POLA1: variants seen among roughly 807,000 people sequenced by gnomAD.
POLA1 encodes DNA polymerase alpha catalytic subunit.
POLA1 carries 15 observed loss-of-function variants against 124.0 expected under a neutral mutation model. The observed-to-expected ratio is 0.12, with a 90% CI of 0.08 to 0.19. The LOEUF (loss-of-function observed/expected upper bound fraction) is 0.19. POLA1 is among the 10% of genes least tolerant of loss of function. POLA1 has a pLI of 1.00. For synonymous variants in POLA1, 408 were observed against 389.4 expected (o/e 1.05, Z -0.56); for missense variants, 886 against 1,103.4 (o/e 0.80, Z 2.79).
intron 36 of POLA1, among the ~76,000 whole-genome samples, chrX:24,982,045 A>G (rs1320593546): frequency 1.9e-5 from 2 of 107,517 alleles, no homozygotes; most frequent in Non-Finnish European, 3.8e-5. Flanking sequence ...TGGTGGTTGG[A>G]GTGGGTTCCC....
intron 36 of POLA1, among the ~76,000 whole-genome samples, chrX:24,935,163 T>C (rs754382739): frequency 1.1e-4 from 12 of 112,082 alleles, no homozygotes; most frequent in African/African-American, 3.2e-4. Flanking sequence ...TTTAAAGGCC[T>C]TATACAGTCC....
At chrX:24,829,768 T>G (rs1478689305) in intron 32 of POLA1, among the ~76,000 whole-genome samples, 1 of 112,065 alleles carries the variant, frequency 8.9e-6, no homozygotes, top group African/African-American at 3.2e-5. Context: ...GGGGAAGTGG[T>G]GGCAAAGTAA....
rs56343314 is a variant in POLA1 at position 24,790,911 on chromosome X, G to GTATATATA, written c.2965-18964_2965-18957dup. 3.7e-3 allele frequency among the ~76,000 whole-genome samples: 289 copies of GTATATATA among 78,246 alleles called. 1 individual carries two copies. The highest frequency in any genetic ancestry group is 8.2e-3 in the African/African-American group (155 of 18,927). 67.9% of individuals were successfully genotyped at this position (78,246 alleles called of 115,157 possible). On this transcript the variant is annotated intron_variant, in intron 26 of 36. Transcript: ENST00000379068. Reference sequence around the variant, plus strand: ...CCCCCACTCATTTATTTATGTATATGTATATATATATATATATATATATAT... The same window carrying GTATATATA: ...CCCCCACTCATTTATTTATGTATATGTATATATATATATATATATATATATATATATAT...
chrX:24,995,584 C>T (rs1330455779), intron 36 of POLA1, among the ~76,000 whole-genome samples: 1 of 111,903 alleles, frequency 8.9e-6, no homozygotes, highest in Non-Finnish European at 1.9e-5. Context: ...CCCCAGTGCA[C>T]TGAGTCAGCT....
Position 24,948,848 on chromosome X carries a change from G to A in POLA1, c.4261+18299G>A, listed in dbSNP as rs775851271. Among the ~76,000 whole-genome samples the A allele has an allele frequency of 9.8e-5, 11 of 111,765 alleles. No individual in the cohort carries two copies. The South Asian group carries it at 4.1e-3, about 42-fold the overall frequency. On this transcript the variant is annotated intron_variant, in intron 36 of 36. Coordinates refer to ENST00000379068, the MANE Select transcript of POLA1 (RefSeq NM_001330360.2). ...GTAGAAGACTTTGGCTTTTATATAA[G>A]ATACTATAGTTCTCCCCCATATTTT...
intron 1 of POLA1, among the ~76,000 whole-genome samples, chrX:24,696,050 T>C (rs778687405): frequency 1.1e-4 from 12 of 112,892 alleles, no homozygotes; most frequent in Non-Finnish European, 2.2e-4. Context: ...TGTGTTTGAC[T>C]TCACACGCGG....
chrX:24,884,159 AT>A (rs905410343), intron 34 of POLA1, among the ~76,000 whole-genome samples: 5 of 110,967 alleles, frequency 4.5e-5, no homozygotes, highest in African/African-American at 6.6e-5. Context: ...ATTAAAAAAA[AT>A]TTTTTTGAGA....
At chrX:24,965,802 A>T (rs763110465) in intron 36 of POLA1, among the ~76,000 whole-genome samples, 1 of 112,576 alleles carries the variant, frequency 8.9e-6, no homozygotes, top group Non-Finnish European at 1.9e-5. Flanking sequence ...AAGAAGAGTG[A>T]TTCCAGGAAA....
intron 36 of POLA1, among the ~76,000 whole-genome samples, chrX:24,990,081 AATACAGAG>A (rs1270959354): frequency 2.7e-5 from 3 of 112,179 alleles, no homozygotes; most frequent in Non-Finnish European, 5.6e-5. Flanking sequence ...ACCATGCTGT[AATACAGAG>A]ATACGTGTAA....
At chrX:24,827,876 A>G (rs11573424) in intron 32 of POLA1, among the ~76,000 whole-genome samples, 48 of 112,007 alleles carry the variant, frequency 4.3e-4, no homozygotes, top group African/African-American at 1.2e-3. Context: ...TAAGATTTGT[A>G]TATACTTAGT....
At chrX:24,882,624 C>T (rs190879024) in intron 34 of POLA1, among the ~76,000 whole-genome samples, 2 of 109,335 alleles carry the variant, frequency 1.8e-5, no homozygotes, top group Admixed American at 9.8e-5. Context: ...CAGCTGCATC[C>T]GTGTTGCTGC....
intron 10 of POLA1, among the ~76,000 whole-genome samples, chrX:24,718,430 A>C (rs1314078890): frequency 8.9e-6 from 1 of 112,037 alleles, no homozygotes; most frequent in African/African-American, 3.2e-5. Flanking sequence ...TAACGAGCCA[A>C]GTACTAGCAA....
chrX:24,962,216 C>T (rs1205575365), intron 36 of POLA1, among the ~76,000 whole-genome samples: 1 of 111,173 alleles, frequency 9.0e-6, no homozygotes, highest in African/African-American at 3.3e-5. Flanking sequence ...CGAGGAGAAA[C>T]AGTTGGTAAT....
chrX:24,719,167 G>A (rs1417494994), intron 10 of POLA1, among the ~76,000 whole-genome samples: 3 of 110,973 alleles, frequency 2.7e-5, no homozygotes, highest in African/African-American at 9.8e-5. Context: ...GCTGTATCTA[G>A]TGAAAAGAGA....
At position 24,714,622 on chromosome X, in the gene POLA1, A is replaced by G; in HGVS notation, c.415A>G (p.Asn139Asp). ...GAAGCTCGCAGTGACAAAACCGAAC[A>G]ACATTAAGTCAATGTTCATTGCTTG... ...VKKLAVTKPN[N>D]IKSMFIACAG... is the part of the protein sequence containing the mutation. The change falls in exon 5 of 37, where the codon AAC becomes GAC. Residue 139 changes from asparagine (N) to aspartate (D), a missense_variant. Physicochemically the swap from Asn to Asp is conservative, Grantham distance 23. Around this residue, in one of 7 missense-constraint regions of POLA1, gnomAD observed 337 missense variants for 402.8 expected, o/e 0.84. Coordinates refer to ENST00000379068, the MANE Select transcript of POLA1 (RefSeq NM_001330360.2). 1 of 1,199,012 alleles carries G rather than the reference A, an allele frequency of 8.3e-7. No individual in the cohort carries two copies. Among genetic ancestry groups the G allele is most frequent in the South Asian group, 1.8e-5 (1 of 55,376 alleles).
At chrX:24,724,886 T>A (rs753203890) in intron 12 of POLA1, among the ~76,000 whole-genome samples, 3 of 112,337 alleles carry the variant, frequency 2.7e-5, no homozygotes, top group Non-Finnish European at 5.6e-5. Flanking sequence ...CATGTGCTAG[T>A]TATGATACAT....
At chrX:24,779,705 G>A (rs916982901) in intron 26 of POLA1, among the ~76,000 whole-genome samples, 3 of 111,522 alleles carry the variant, frequency 2.7e-5, no homozygotes, top group Non-Finnish European at 3.8e-5. Context: ...TGTTCTAGAG[G>A]CTTTATATAT....
At chrX:24,698,377 T>C (rs1928170583) in intron 1 of POLA1, among the ~76,000 whole-genome samples, 1 of 112,240 alleles carries the variant, frequency 8.9e-6, no homozygotes, top group African/African-American at 3.2e-5. Context: ...GTCCCTGTAG[T>C]TGTTTTAGTA....
At chrX:24,987,219 G>T (rs1333465984) in intron 36 of POLA1, among the ~76,000 whole-genome samples, 1 of 111,813 alleles carries the variant, frequency 8.9e-6, no homozygotes, top group Non-Finnish European at 1.9e-5. Context: ...CACATGAAGA[G>T]AACTTGGAAA....
Sources: gnomAD v4.1 joint callset for allele counts (sites outside exome capture counted in the v4.1 genomes callset) on GRCh38, gnomAD v4.1.1 for gene constraint, gnomAD v4.1.1 regional missense constraint, MANE v1.5 for transcripts, NCBI Gene and HGNC (gene_info 2026-07-23, HGNC 2026-07-21) for gene names.